The following ERBB4 variants were observed in gnomAD, a reference collection of about 807,000 sequenced individuals.
ERBB4 encodes the protein erb-b2 receptor tyrosine kinase 4.
Under a neutral mutation model 158.0 loss-of-function variants are expected in ERBB4, and 42 were observed. The ratio of observed to expected loss-of-function variants is 0.27; its 90% CI spans 0.21 to 0.34. The LOEUF is 0.34. Among genes scored for constraint, ERBB4 ranks in the 10% least tolerant of loss-of-function variants. ERBB4 has a pLI of 1.00. For synonymous variants in ERBB4, 583 were observed against 558.7 expected, an observed-to-expected ratio of 1.04 and a Z score of -0.61; for missense variants, 1,333 against 1,624.1, an observed-to-expected ratio of 0.82 and a Z score of 3.08.
intron 3 of ERBB4, among the ~76,000 whole-genome samples, chr2:211,865,209 A>G (rs567393490): frequency 6.6e-6 from 1 of 151,174 alleles, no homozygotes; most frequent in Non-Finnish European, 1.5e-5. Flanking sequence ...TATAAAGTAT[A>G]TATCTATATG....
intron 1 of ERBB4, among the ~76,000 whole-genome samples, chr2:212,356,730 AC>A (rs1322355578): frequency 1.7e-5 from 2 of 119,916 alleles, no homozygotes; most frequent in South Asian, 5.7e-4. Flanking sequence ...TAAAAAAAAA[AC>A]ATTCCTTGAT....
chr2:212,515,524 T>C (rs1691774939), intron 1 of ERBB4, among the ~76,000 whole-genome samples: 1 of 151,888 alleles, frequency 6.6e-6, no homozygotes. Flanking sequence ...TTAAAATCAA[T>C]TAAATTAAAG....
chr2:211,405,148 A>C (rs1341395087), intron 25 of ERBB4, among the ~76,000 whole-genome samples: 1 of 152,126 alleles, frequency 6.6e-6, no homozygotes, highest in Non-Finnish European at 1.5e-5. Context: ...GTAAGTGGCC[A>C]AGTTTACAGA....
At chr2:211,764,654 A>G (rs10932400) in intron 4 of ERBB4, among the ~76,000 whole-genome samples, 60,454 of 151,972 alleles carry the variant, frequency 0.4, 12,482 homozygotes, top group Middle Eastern at 0.55. Context: ...GCCTAAAAAT[A>G]CTATCTCCGG....
intron 1 of ERBB4, among the ~76,000 whole-genome samples, chr2:212,376,347 AG>A (rs1437716737): frequency 1.3e-5 from 2 of 152,082 alleles, no homozygotes; most frequent in African/African-American, 4.8e-5. Context: ...TCAAGAGCAA[AG>A]GTTGTGGCAA....
chr2:211,658,471 A>G (rs562523536), intron 15 of ERBB4, among the ~76,000 whole-genome samples: 11 of 152,304 alleles, frequency 7.2e-5, no homozygotes, highest in Admixed American at 4.6e-4. Context: ...TTGGCAGAAA[A>G]TGAGTCAACA....
chr2:211,813,853 C>T (rs1463282193), intron 3 of ERBB4, among the ~76,000 whole-genome samples: 2 of 151,960 alleles, frequency 1.3e-5, no homozygotes, highest in African/African-American at 4.8e-5. Flanking sequence ...TCAAAAAAAT[C>T]AAGAACCTTA....
At chr2:212,116,876 G>A (rs1438740942) in intron 2 of ERBB4, among the ~76,000 whole-genome samples, 3 of 151,890 alleles carry the variant, frequency 2.0e-5, no homozygotes, top group African/African-American at 7.3e-5. Flanking sequence ...AAGAGCATCA[G>A]AATTTTGAGT....
intron 2 of ERBB4, among the ~76,000 whole-genome samples, chr2:211,997,193 A>G (rs1210155278): frequency 6.6e-6 from 1 of 152,168 alleles, no homozygotes; most frequent in African/African-American, 2.4e-5. Flanking sequence ...AATATCTATC[A>G]AAAAGATAAT....
chr2:212,354,648 A>C (rs1349053268), intron 1 of ERBB4, among the ~76,000 whole-genome samples: 1 of 152,126 alleles, frequency 6.6e-6, no homozygotes, highest in East Asian at 1.9e-4. Context: ...TTACAGACAG[A>C]GAGTGAGGTG....
At chr2:211,949,514 A>G (rs1246560392) in intron 2 of ERBB4, among the ~76,000 whole-genome samples, 2 of 152,178 alleles carry the variant, frequency 1.3e-5, no homozygotes, top group Non-Finnish European at 2.9e-5. Flanking sequence ...AGTTAAATAA[A>G]ATGTATTATT....
intron 20 of ERBB4, among the ~76,000 whole-genome samples, chr2:211,467,506 T>A (rs1043430059): frequency 2.0e-5 from 3 of 152,190 alleles, no homozygotes; most frequent in Non-Finnish European, 4.4e-5. Flanking sequence ...ACGTTCACAG[T>A]GCTTCCACCT....
chr2:211,825,265 G>A (rs1012824978), intron 3 of ERBB4, among the ~76,000 whole-genome samples: 2 of 151,490 alleles, frequency 1.3e-5, no homozygotes, highest in South Asian at 2.1e-4. Context: ...AGTAGTTAAC[G>A]GTAATGAACA....
intron 3 of ERBB4, among the ~76,000 whole-genome samples, chr2:211,830,607 G>A (rs115714131): frequency 0.02 from 2,994 of 151,868 alleles, 40 homozygotes; most frequent in Non-Finnish European, 0.028. Context: ...ATAAATTAAC[G>A]TTGAATACTA....
At chr2:211,557,083 C>T (rs1034083365) in intron 20 of ERBB4, among the ~76,000 whole-genome samples, 3 of 152,034 alleles carry the variant, frequency 2.0e-5, no homozygotes, top group Non-Finnish European at 2.9e-5. Context: ...TGAAACTGGA[C>T]CCCTTCCTTA....
In ERBB4 at chr2:212,005,552, A is replaced by C. The variant is rs571214132; in HGVS notation, c.235-57936T>G. Among the ~76,000 whole-genome samples, 4 of 152,326 alleles carry C rather than the reference A, an allele frequency of 2.6e-5. No individual in the cohort carries two copies. In the South Asian group the frequency reaches 8.3e-4, roughly 32 times the overall value. ...GGAGGAGGTGATAACAAAGCAAAGT[A>C]TAAATTCGTCAGATATGGAATTTTG... On this transcript the variant is annotated intron_variant, in intron 2 of 27. Coordinates refer to ENST00000342788, the MANE Select transcript of ERBB4 (RefSeq NM_005235.3).
chr2:212,307,269 G>A (rs906428957), intron 1 of ERBB4, among the ~76,000 whole-genome samples: 1 of 150,964 alleles, frequency 6.6e-6, no homozygotes, highest in Non-Finnish European at 1.5e-5. Context: ...AAGAAGAGAT[G>A]AGGAGAGCAA....
intron 2 of ERBB4, among the ~76,000 whole-genome samples, chr2:212,111,376 T>G (rs533562086): frequency 6.8e-4 from 104 of 152,330 alleles, no homozygotes; most frequent in Admixed American, 2.4e-3. Flanking sequence ...AAATAATACT[T>G]TCTTCCTGCT....
intron 1 of ERBB4, among the ~76,000 whole-genome samples, chr2:212,311,540 C>G (rs1236942903): frequency 4.0e-5 from 6 of 150,694 alleles, no homozygotes; most frequent in Non-Finnish European, 8.9e-5. Flanking sequence ...TTTTTAATAC[C>G]AGTTTGTAAA....
Sources: gnomAD v4.1 joint callset for allele counts (sites outside exome capture counted in the v4.1 genomes callset) on GRCh38, gnomAD v4.1.1 for gene constraint, MANE v1.5 for transcripts, NCBI Gene and HGNC (gene_info 2026-07-23, HGNC 2026-07-21) for gene names.